Variants in YY1AP1 observed in about 807,000 individuals in gnomAD.
YY1AP1 encodes the protein YY1-associated protein 1.
Under a neutral mutation model 39.9 loss-of-function variants are expected in YY1AP1, and 43 were observed. The ratio of observed to expected loss-of-function variants is 1.08; its 90% CI spans 0.84 to 1.39. The LOEUF is 1.39. Among genes scored for constraint, YY1AP1 ranks in the 40% most tolerant of loss-of-function variants. YY1AP1 has a pLI of 0.00. For synonymous variants in YY1AP1, 292 were observed against 331.3 expected (o/e 0.88, Z 1.29); for missense variants, 813 against 900.7 (o/e 0.90, Z 1.25).
intron 4 of YY1AP1, among the ~76,000 whole-genome samples, chr1:155,678,383 T>A (rs1343738167): frequency 6.6e-6 from 1 of 152,238 alleles, no homozygotes; most frequent in East Asian, 1.9e-4. Context: ...CTAACAGGAA[T>A]TTTAAATTAG....
intron 3 of YY1AP1, 197 bp from the exon 4 acceptor site, chr1:155,679,709 T>A: frequency 1.0e-6 from 1 of 985,420 alleles, no homozygotes; most frequent in South Asian, 4.7e-5. Context: ...AGGAAAGAAG[T>A]TGCTCAACCA....
intron 1 of YY1AP1, 106 bp from the exon 2 acceptor site, chr1:155,688,307 G>A (rs1219815911): frequency 6.4e-7 from 1 of 1,565,074 alleles, no homozygotes; most frequent in Non-Finnish European, 8.7e-7. Context: ...CCCTCGCAAA[G>A]CGAACCCAAA....
chr1:155,660,528 T>C lies in YY1AP1; in HGVS notation c.1382A>G (p.Gln461Arg), dbSNP rs1276692333. Residue 461 changes from glutamine to arginine, a missense_variant, in exon 11 of 11, where the codon CAG (glutamine) becomes CGG (arginine). Coordinates refer to ENST00000355499, the MANE Select transcript of YY1AP1 (RefSeq NM_139119.3). ...PHPIQPATVLQTVPGVPPLGV... is the reference protein window; with the variant it reads ...PHPIQPATVLRTVPGVPPLGV... ...CAGTGGAGGGACACCTGGAACTGTC[T>C]GTAAAACAGTGGCTGGCTGTATTGG... The C allele has an allele frequency of 3.1e-6, 5 of 1,614,168 alleles. No individual in the cohort carries two copies. The South Asian group carries it at 5.5e-5, about 18-fold the overall frequency.
At chr1:155,683,104 C>T (rs1651752960) in intron 2 of YY1AP1, among the ~76,000 whole-genome samples, 1 of 151,418 alleles carries the variant, frequency 6.6e-6, no homozygotes, top group African/African-American at 2.4e-5. Flanking sequence ...AAACAAAAAA[C>T]AAAATTGATT....
intron 8 of YY1AP1, 42 bp downstream of exon 8, chr1:155,670,278 T>C (rs367853634): frequency 6.2e-7 from 1 of 1,611,268 alleles, no homozygotes; most frequent in Non-Finnish European, 8.5e-7. Flanking sequence ...AGGAACTACA[T>C]CTTCTCCTTG....
chr1:155,670,088 C>T (rs534815205), intron 8 of YY1AP1, among the ~76,000 whole-genome samples: 17 of 152,232 alleles, frequency 1.1e-4, no homozygotes, highest in Middle Eastern at 6.8e-3. Flanking sequence ...GCTGGGATTA[C>T]AGGTGGGAGC....
intron 9 of YY1AP1, among the ~76,000 whole-genome samples, chr1:155,665,684 G>A (rs546850638): frequency 1.7e-4 from 26 of 151,608 alleles, no homozygotes; most frequent in African/African-American, 5.6e-4. Context: ...AGGCTGAGGT[G>A]GGTGGATCCC....
rs757758585 is a variant in YY1AP1 at position 155,660,101 on chromosome 1, T to C, written c.1809A>G (p.Pro603=). ...AGGAGGCCACAAGGGGCTGGTTCAATGGACAGGGGAAGGAAGTAGGGTTAA... is the reference window on the plus strand; with the variant it reads ...AGGAGGCCACAAGGGGCTGGTTCAACGGACAGGGGAAGGAAGTAGGGTTAA... ...LLVNPTSFPC[P]LNQPLVASSV... The change falls in exon 11 of 11, where the codon CCA becomes CCG. Residue 603 remains proline (P), a synonymous_variant. Coordinates refer to ENST00000355499, the MANE Select transcript of YY1AP1 (RefSeq NM_139119.3). 4.3e-6 allele frequency: 7 copies of C among 1,614,036 alleles called. No individual in the cohort carries two copies. Among genetic ancestry groups the C allele is most frequent in the South Asian group, 1.1e-5 (1 of 91,076 alleles).
In YY1AP1 at chr1:155,661,390, C is replaced by G. The variant is rs1042276239; in HGVS notation, c.913G>C (p.Gly305Arg). 5 of 1,613,830 alleles carry G rather than the reference C, an allele frequency of 3.1e-6. No homozygotes were observed. Among genetic ancestry groups the G allele is most frequent in the Non-Finnish European group, 4.2e-6 (5 of 1,179,836 alleles). Residue 305 changes from glycine to arginine, a missense_variant, in exon 10 of 11, where the codon GGA (glycine) becomes CGA (arginine). Physicochemically the swap from Gly to Arg is moderately radical, Grantham distance 125 (BLOSUM62 -2). Transcript: ENST00000355499. Reference sequence around the variant, plus strand: ...GGCTGGATCTCTTCACAGCATTTTCCTAGGACTGGCAGCTGTTTGGTCTTC... The same window carrying G: ...GGCTGGATCTCTTCACAGCATTTTCGTAGGACTGGCAGCTGTTTGGTCTTC... Reference protein sequence around the residue: ...YKKTKQLPVLGKCCEEIQPHQ... With the variant: ...YKKTKQLPVLRKCCEEIQPHQ...
intron 4 of YY1AP1, among the ~76,000 whole-genome samples, chr1:155,676,950 C>T (rs1482445685): frequency 6.6e-6 from 1 of 152,164 alleles, no homozygotes; most frequent in Non-Finnish European, 1.5e-5. Flanking sequence ...CTGTATTACA[C>T]CCCATCCCAT....
At chr1:155,685,263 A>C (rs773083392) in intron 2 of YY1AP1, among the ~76,000 whole-genome samples, 5 of 152,198 alleles carry the variant, frequency 3.3e-5, no homozygotes, top group Non-Finnish European at 5.9e-5. Flanking sequence ...GCTTCTAGGA[A>C]TATGTTTCCC....
chr1:155,661,964 T>C (rs1474456357), intron 9 of YY1AP1, among the ~76,000 whole-genome samples: 6 of 151,926 alleles, frequency 3.9e-5, no homozygotes, highest in Non-Finnish European at 7.4e-5. Flanking sequence ...CCCTATTCAA[T>C]ATTTTCTAAC....
At chr1:155,678,768 CTAT>C (rs1020292197) in intron 4 of YY1AP1, among the ~76,000 whole-genome samples, 2 of 152,204 alleles carry the variant, frequency 1.3e-5, no homozygotes, top group Non-Finnish European at 2.9e-5. Context: ...ATTACAGGGA[CTAT>C]TCTCTTTGCT....
In YY1AP1 at chr1:155,659,607, T is replaced by A. The variant is rs751432312; in HGVS notation, c.*50A>T. The A allele has an allele frequency of 4.7e-5, 76 of 1,604,094 alleles. No individual in the cohort carries two copies. The highest frequency in any genetic ancestry group is 6.3e-5 in the Non-Finnish European group (74 of 1,173,932). On this transcript the variant is annotated 3_prime_UTR_variant, in exon 11 of 11. Coordinates refer to ENST00000355499, the MANE Select transcript of YY1AP1 (RefSeq NM_139119.3). The stretch of plus-strand genomic sequence containing the variant: ...TTGGTTACACCCTATGCGCCACCAA[T>A]CGGAGGCCGAAGTGAAGGCTCCCAG...
In YY1AP1 at chr1:155,675,007, T is replaced by C; in HGVS notation, c.411+3A>G. ...ATAGAATTACGGCAATTTGGAAACT[T>C]ACAAGACATATCCTGGTGCTACTGG... On this transcript the variant is annotated splice_donor_region_variant and intron_variant, in intron 6 of 10. Transcript: ENST00000355499. 1.9e-6 allele frequency: 3 copies of C among 1,612,696 alleles called. No individual in the cohort carries two copies. Among genetic ancestry groups the C allele is most frequent in the Non-Finnish European group, 2.5e-6 (3 of 1,178,822 alleles).
intron 4 of YY1AP1, 109 bp from the exon 5 acceptor site, chr1:155,676,855 TC>T: frequency 3.7e-6 from 4 of 1,076,152 alleles, no homozygotes; most frequent in Non-Finnish European, 5.5e-6. Flanking sequence ...TCCCTACTAA[TC>T]CCCCCTTTTC....
intron 6 of YY1AP1, among the ~76,000 whole-genome samples, chr1:155,673,834 T>C (rs965683924): frequency 2.0e-5 from 3 of 151,690 alleles, no homozygotes; most frequent in Admixed American, 6.6e-5. Flanking sequence ...ACTACAGGCA[T>C]GAGCCACCAT....
At chr1:155,685,503 G>A (rs1276596298) in intron 2 of YY1AP1, among the ~76,000 whole-genome samples, 1 of 152,132 alleles carries the variant, frequency 6.6e-6, no homozygotes, top group Non-Finnish European at 1.5e-5. Context: ...CAGAGTTTGA[G>A]AACAAAAAGA....
rs760433805 is a variant in YY1AP1, at chr1:155,679,352, C to A, written c.125+57G>T. ...ATTGTTAACTGCAACTTCTGAAAAC[C>A]TTTTCAGAAATAAACTCTTCCTCTA... is the stretch of plus-strand genomic sequence containing the variant. On this transcript the variant is annotated intron_variant, in intron 4 of 10. Transcript: ENST00000355499. The A allele has an allele frequency of 1.9e-6, 3 of 1,612,378 alleles. No homozygotes were observed. The Admixed American group carries it at 5.0e-5, about 27-fold the overall frequency.
Sources: allele counts gnomAD v4.1 joint callset (sites outside exome capture counted in the v4.1 genomes callset), GRCh38; gene constraint gnomAD v4.1.1; transcripts MANE v1.5; gene names NCBI Gene and HGNC (gene_info 2026-07-23, HGNC 2026-07-21).